PARVB: variants seen among roughly 807,000 people sequenced by gnomAD.
PARVB encodes parvin beta.
PARVB carries 46 observed loss-of-function variants against 47.0 expected under a neutral mutation model. That is an observed-to-expected ratio of 0.98 (90% confidence interval 0.77 to 1.25). The LOEUF (loss-of-function observed/expected upper bound fraction) is 1.25. PARVB is among the 50% of genes most tolerant of loss of function. The pLI is 0.00. For synonymous variants in PARVB, 196 were observed against 196.3 expected (o/e 1.00, Z 0.01); for missense variants, 473 against 471.6 (o/e 1.00, Z -0.03).
At chr22:44,098,924 C>T (rs2052374464) in intron 2 of PARVB, among the ~76,000 whole-genome samples, 1 of 152,172 alleles carries the variant, frequency 6.6e-6, no homozygotes, top group South Asian at 2.1e-4. Context: ...ATCCTCCCGC[C>T]TCAGCCTCCC....
At position 44,164,202 on chromosome 22, in the gene PARVB, G is replaced by A. The variant is rs1180003464; in HGVS notation, c.1018+272G>A. On this transcript the variant is annotated intron_variant, in intron 12 of 12. Transcript: ENST00000338758. ...GCCCACAGACCTCAGGATTAAGTGC[G>A]TCTCTAGCTGGCCACTCAGGCTGGA... 3.3e-5 allele frequency among the ~76,000 whole-genome samples: 5 copies of A among 152,288 alleles called. No individual in the cohort carries two copies. In the East Asian group the frequency reaches 7.7e-4, roughly 24 times the overall value.
intron 11 of PARVB, among the ~76,000 whole-genome samples, chr22:44,158,457 G>A (rs971612640): frequency 5.3e-5 from 8 of 152,274 alleles, no homozygotes; most frequent in Middle Eastern, 3.4e-3. Flanking sequence ...GTGGTGGCAC[G>A]AAGTCCCAAG....
chr22:44,158,221 T>G, intron 11 of PARVB, 138 bp downstream of exon 11: 1 of 615,190 alleles, frequency 1.6e-6, no homozygotes. Flanking sequence ...GATATTGCAA[T>G]TAGATGTAAC....
At chr22:44,023,277 G>A (rs1046035269), upstream of PARVB, among the ~76,000 whole-genome samples, 25 of 151,952 alleles carry the variant, frequency 1.6e-4, 1 homozygote, top group Middle Eastern at 6.8e-3. Context: ...TTGGGAGGCC[G>A]AGGCAGGCGG....
chr22:44,157,337 G>A (rs2053957834), intron 10 of PARVB, among the ~76,000 whole-genome samples: 2 of 152,194 alleles, frequency 1.3e-5, no homozygotes, highest in Non-Finnish European at 2.9e-5. Context: ...CTGAATGATG[G>A]GAGTCACTAC....
intron 1 of PARVB, among the ~76,000 whole-genome samples, chr22:44,091,171 G>T (rs1460891972): frequency 6.6e-6 from 1 of 152,160 alleles, no homozygotes. Flanking sequence ...AGGATGAGTG[G>T]TGCCTGGATC....
intron 1 of PARVB, among the ~76,000 whole-genome samples, chr22:44,058,397 G>T (rs1035989973): frequency 6.6e-6 from 1 of 152,058 alleles, no homozygotes; most frequent in African/African-American, 2.4e-5. Context: ...TCTTCTCTCT[G>T]CATGTCAGCA....
rs370143025 is a variant in PARVB at position 44,129,466 on chromosome 22, C to T, written c.377-2021C>T. Among the ~76,000 whole-genome samples the T allele has an allele frequency of 9.2e-5, 14 of 152,314 alleles. No homozygotes were observed. The East Asian group carries it at 1.4e-3, about 15-fold the overall frequency. ...CGTGGCCATGTTCAGTCTGCGGGGC[C>T]GGATGGTGGCAGGTGCAACGGGGGC... is the stretch of plus-strand genomic sequence containing the variant. On this transcript the variant is annotated intron_variant, in intron 4 of 12. Transcript: ENST00000338758.
chr22:44,008,138 T>C (rs1478127735), intron 2 of PARVB, among the ~76,000 whole-genome samples: 2 of 152,164 alleles, frequency 1.3e-5, no homozygotes, highest in Non-Finnish European at 2.9e-5. Flanking sequence ...TCTTGCTCTG[T>C]CACCCAGGCT....
chr22:44,040,927 C>T (rs542157172), intron 1 of PARVB, among the ~76,000 whole-genome samples: 75 of 151,962 alleles, frequency 4.9e-4, no homozygotes, highest in African/African-American at 1.7e-3. Flanking sequence ...GGTGTGAACC[C>T]GGAAGGCAGA....
intron 10 of PARVB, among the ~76,000 whole-genome samples, chr22:44,154,251 A>G (rs2053870842): frequency 6.6e-6 from 1 of 152,230 alleles, no homozygotes; most frequent in Admixed American, 6.5e-5. Context: ...TTAAAAGTAC[A>G]TTTAACCACT....
chr22:44,072,238 C>T (rs1001631298), intron 1 of PARVB, among the ~76,000 whole-genome samples: 1 of 152,164 alleles, frequency 6.6e-6, no homozygotes, highest in African/African-American at 2.4e-5. Context: ...GGAGGCTGAG[C>T]GAGCTCATCA....
In PARVB at chr22:44,132,987, C is replaced by T; in HGVS notation, c.611C>T (p.Thr204Met). Residue 204 changes from threonine to methionine, a missense_variant, in exon 6 of 13, where the codon ACG becomes ATG. Thr to Met is a moderately conservative substitution (Grantham distance 81). Transcript: ENST00000338758. Reference protein sequence around the residue: ...RAPIRLPEHVTVQVVVVRKRE... With the variant: ...RAPIRLPEHVMVQVVVVRKRE... The stretch of plus-strand genomic sequence containing the variant: ...CCCATCCGCCTTCCTGAGCATGTAA[C>T]GGTGCAGGTGGTGGTCGTGCGGGTG... 5.6e-6 allele frequency: 9 copies of T among 1,613,808 alleles called. No homozygotes were observed. The highest frequency in any genetic ancestry group is 3.3e-5 in the South Asian group (3 of 91,062).
intron 1 of PARVB, among the ~76,000 whole-genome samples, chr22:44,063,122 C>A (rs1237270061): frequency 6.6e-6 from 1 of 152,090 alleles, no homozygotes; most frequent in Non-Finnish European, 1.5e-5. Flanking sequence ...GGGTCAAAGA[C>A]TAAATATTAG....
chr22:44,119,465 C>T (rs1476557026), intron 4 of PARVB, among the ~76,000 whole-genome samples: 1 of 152,208 alleles, frequency 6.6e-6, no homozygotes, highest in African/African-American at 2.4e-5. Context: ...TCCTTCGGTT[C>T]AGGATGGGAG....
chr22:44,033,014 G>GT (rs1178231444), intron 1 of PARVB, among the ~76,000 whole-genome samples: 1 of 152,158 alleles, frequency 6.6e-6, no homozygotes, highest in African/African-American at 2.4e-5. Flanking sequence ...TGTGTGAATC[G>GT]TTTAAGATAT....
At chr22:44,044,484 C>A (rs1278652773) in intron 1 of PARVB, among the ~76,000 whole-genome samples, 1 of 141,180 alleles carries the variant, frequency 7.1e-6, no homozygotes, top group Admixed American at 7.2e-5. Context: ...GCCACCACGC[C>A]CGGCCTGTTT....
chr22:44,024,249 GC>G, upstream of PARVB: 1 of 617,326 alleles, frequency 1.6e-6, no homozygotes, highest in Non-Finnish European at 2.0e-6. Flanking sequence ...CGGGGCGGGG[GC>G]CGGCGGCGGG....
chr22:44,107,458 G>A (rs2052592649), intron 3 of PARVB: 1 of 152,226 alleles, frequency 6.6e-6, no homozygotes, highest in Admixed American at 6.5e-5. Flanking sequence ...CAGATTCTTA[G>A]CACGTAGCGC....
Sources: allele counts gnomAD v4.1 joint callset (sites outside exome capture counted in the v4.1 genomes callset), GRCh38; gene constraint gnomAD v4.1.1; transcripts MANE v1.5; gene names NCBI Gene and HGNC (gene_info 2026-07-23, HGNC 2026-07-21).